PLCE1: variants seen among roughly 807,000 people sequenced by gnomAD.
PLCE1 encodes the protein phospholipase C epsilon 1.
PLCE1 carries 119 observed loss-of-function variants against 242.8 expected under a neutral mutation model. The ratio of observed to expected loss-of-function variants is 0.49; its 90% CI spans 0.42 to 0.57. The LOEUF (loss-of-function observed/expected upper bound fraction) is 0.57. PLCE1 is among the 20% of genes least tolerant of loss of function. The pLI is 0.00. For synonymous variants in PLCE1, 945 were observed against 1,017.4 expected (o/e 0.93, Z 1.35); for missense variants, 2,441 against 2,788.8 (o/e 0.88, Z 2.81).
chr10:94,282,007 G>C (rs1002327821), intron 20 of PLCE1, among the ~76,000 whole-genome samples: 1 of 151,162 alleles, frequency 6.6e-6, no homozygotes, highest in African/African-American at 2.4e-5. Context: ...CTAGCTTCTC[G>C]TAATAATGGG....
At chr10:94,290,483 C>T (rs2052606892) in intron 22 of PLCE1, among the ~76,000 whole-genome samples, 1 of 111,378 alleles carries the variant, frequency 9.0e-6, no homozygotes, top group Non-Finnish European at 1.9e-5. Context: ...CAGATACAAG[C>T]ACCCACATTA....
In PLCE1 at chr10:94,031,226, TA is replaced by T; in HGVS notation, c.183del (p.Glu62LysfsTer14). 1 of 1,613,800 alleles carries T rather than the reference TA, an allele frequency of 6.2e-7. No homozygotes were observed. The highest frequency in any genetic ancestry group is 8.5e-7 in the Non-Finnish European group (1 of 1,179,820). On this transcript the variant is annotated frameshift_variant, in exon 2 of 33. Transcript: ENST00000371380. LOFTEE classifies it high-confidence loss of function. ...ATACCATCTCACAACTGAACAAACTTAAAGAAGAACCTTCTGGAAGCAACTT... is the reference window on the plus strand; with the variant it reads ...ATACCATCTCACAACTGAACAAACTTAAGAAGAACCTTCTGGAAGCAACTT... ...SHTISQLNKL[K>X]EEPSGSNLPK...
intron 2 of PLCE1, among the ~76,000 whole-genome samples, chr10:94,085,918 A>AAAT (rs1194225853): frequency 6.6e-6 from 1 of 152,340 alleles, no homozygotes; most frequent in East Asian, 1.9e-4. Context: ...AGATGTGGCC[A>AAAT]AATAATAATA....
chr10:94,253,172 G>A (rs745974572), intron 9 of PLCE1, among the ~76,000 whole-genome samples: 4 of 152,152 alleles, frequency 2.6e-5, no homozygotes, highest in Non-Finnish European at 4.4e-5. Context: ...CTTGAGGCTG[G>A]GTAATTTATA....
At chr10:94,220,374 TTTTATATATATATATATA>T (rs1484254992) in intron 4 of PLCE1, among the ~76,000 whole-genome samples, 10 of 38,416 alleles carry the variant, frequency 2.6e-4, no homozygotes, top group African/African-American at 6.9e-4. Flanking sequence ...AAACTAAACA[TTTTATATATATATATATA>T]TATATATATA....
Position 94,255,049 on chromosome 10 carries a change from G to A in PLCE1, c.3554G>A (p.Ser1185Asn). The stretch of plus-strand genomic sequence containing the variant: ...TCTTCTTCAAACAAGAGCCCATCCA[G>A]GTGGGGCCTTAACATGATAAAACAG... ...VLSSSNKSPS[S>N]AWSSSSWHGR... Residue 1185 changes from serine to asparagine, a missense_variant and splice_region_variant, in exon 11 of 33, where the codon AGT (serine) becomes AAT (asparagine). Ser to Asn is a conservative substitution (Grantham distance 46). Coordinates refer to ENST00000371380, the MANE Select transcript of PLCE1 (RefSeq NM_016341.4). The A allele has an allele frequency of 1.2e-6, 2 of 1,614,054 alleles. No homozygotes were observed. The highest frequency in any genetic ancestry group is 1.7e-6 in the Non-Finnish European group (2 of 1,179,970).
rs35204243 is a variant in PLCE1 at position 94,027,535 on chromosome 10, T to A, written c.-364-3148T>A. Among the ~76,000 whole-genome samples, 872 of 152,286 alleles carry A rather than the reference T, an allele frequency of 5.7e-3. 5 individuals are homozygous for A. Among genetic ancestry groups the A allele is most frequent in the Non-Finnish European group, 9.3e-3 (631 of 68,008 alleles). On this transcript the variant is annotated intron_variant, in intron 1 of 32. Coordinates refer to ENST00000371380, the MANE Select transcript of PLCE1 (RefSeq NM_016341.4). Reference sequence around the variant, plus strand: ...AGACAAAGCCACATATAAGATAAGCTTCTTGGCTGGGCTTGGTGGCTCATG... The same window carrying A: ...AGACAAAGCCACATATAAGATAAGCATCTTGGCTGGGCTTGGTGGCTCATG...
At position 94,110,297 on chromosome 10, in the gene PLCE1, C is replaced by T. The variant is rs542317365; in HGVS notation, c.1207-21877C>T. 3.5e-3 allele frequency among the ~76,000 whole-genome samples: 526 copies of T among 152,022 alleles called. 4 individuals are homozygous for T. Among genetic ancestry groups the T allele is most frequent in the Non-Finnish European group, 6.1e-3 (418 of 67,970 alleles). On this transcript the variant is annotated intron_variant, in intron 2 of 32. Coordinates refer to ENST00000371380, the MANE Select transcript of PLCE1 (RefSeq NM_016341.4). ...CAGGATGGTCTCGATCTCCTGACCT[C>T]GTGATCCGCCTGCCTCGGCCTCCCA...
chr10:94,044,756 T>C (rs538049608), intron 2 of PLCE1, among the ~76,000 whole-genome samples: 1 of 152,294 alleles, frequency 6.6e-6, no homozygotes, highest in South Asian at 2.1e-4. Context: ...CACATGGTCA[T>C]GCTAGCTAGA....
At chr10:94,009,489 A>G (rs1225400899) in intron 1 of PLCE1, among the ~76,000 whole-genome samples, 1 of 152,170 alleles carries the variant, frequency 6.6e-6, no homozygotes, top group East Asian at 1.9e-4. Flanking sequence ...TTCTTCTTAT[A>G]TTGCAAAATA....
intron 14 of PLCE1, among the ~76,000 whole-genome samples, chr10:94,263,255 T>G (rs2051377168): frequency 6.6e-6 from 1 of 152,100 alleles, no homozygotes; most frequent in Admixed American, 6.5e-5. Flanking sequence ...GGTTCATGCC[T>G]GTAATCCCAG....
In PLCE1 at chr10:94,253,340, G is replaced by C. The variant is rs565622142; in HGVS notation, c.3279+842G>C. Reference sequence around the variant, plus strand: ...GCAAGAGCAGGAGTGAGAGAGAAGGGGAGAGGTGCCACACACTTTTTTTTT... The same window carrying C: ...GCAAGAGCAGGAGTGAGAGAGAAGGCGAGAGGTGCCACACACTTTTTTTTT... On this transcript the variant is annotated intron_variant, in intron 9 of 32. Coordinates refer to ENST00000371380, the MANE Select transcript of PLCE1 (RefSeq NM_016341.4). 1.8e-3 allele frequency among the ~76,000 whole-genome samples: 277 copies of C among 152,110 alleles called. 1 individual carries two copies. The highest frequency in any genetic ancestry group is 3.5e-3 in the Admixed American group (53 of 15,266).
chr10:94,280,855 A>G (rs1407245104), intron 20 of PLCE1, among the ~76,000 whole-genome samples: 2 of 152,188 alleles, frequency 1.3e-5, no homozygotes, highest in Non-Finnish European at 2.9e-5. Context: ...CTCCAGTCAT[A>G]GTTCAGTTTT....
Position 94,328,778 on chromosome 10 carries a change from GTTTT to G in PLCE1, c.*840_*843del, listed in dbSNP as rs909838936. On this transcript the variant is annotated 3_prime_UTR_variant, in exon 33 of 33. Transcript: ENST00000371380. ...TTTTTACATATAGAAATAATATTGG[GTTTT>G]TTTTAAGGTTATTGCCTATTCAGTT... The G allele has an allele frequency of 6.6e-6, 1 of 151,694 alleles. No individual in the cohort carries two copies. Among genetic ancestry groups the G allele is most frequent in the African/African-American group, 2.4e-5 (1 of 41,280 alleles). 9.4% of individuals were successfully genotyped at this position (151,694 alleles called of 1,614,324 possible).
At chr10:94,276,716 C>A (rs1397790362) in intron 19 of PLCE1, among the ~76,000 whole-genome samples, 2 of 152,178 alleles carry the variant, frequency 1.3e-5, no homozygotes, top group Non-Finnish European at 1.5e-5. Context: ...CAAATCACCT[C>A]TTTATTTTCT....
At chr10:94,100,129 G>A (rs1378883009) in intron 2 of PLCE1, 1 of 152,172 alleles carries the variant, frequency 6.6e-6, no homozygotes, top group Non-Finnish European at 1.5e-5. Context: ...GTAAAACAGA[G>A]ATCATAAAGG....
chr10:93,997,860 G>A (rs1453325855), intron 1 of PLCE1, among the ~76,000 whole-genome samples: 1 of 152,130 alleles, frequency 6.6e-6, no homozygotes, highest in Non-Finnish European at 1.5e-5. Context: ...TGTAAGAACT[G>A]GTAGGAAAAG....
intron 21 of PLCE1, 48 bp downstream of exon 21, chr10:94,283,959 T>C: frequency 5.0e-6 from 8 of 1,597,614 alleles, no homozygotes; most frequent in Non-Finnish European, 6.8e-6. Context: ...TGTGGTACTC[T>C]TGTCAGTTTC....
chr10:94,182,967 A>G (rs900053184), intron 4 of PLCE1, among the ~76,000 whole-genome samples: 6 of 152,226 alleles, frequency 3.9e-5, no homozygotes, highest in Non-Finnish European at 7.3e-5. Flanking sequence ...ACTATTAAAA[A>G]TAATAAACAT....
Sources: gnomAD v4.1 joint callset for allele counts (sites outside exome capture counted in the v4.1 genomes callset) on GRCh38, gnomAD v4.1.1 for gene constraint, MANE v1.5 for transcripts, NCBI Gene and HGNC (gene_info 2026-07-23, HGNC 2026-07-21) for gene names.